Variants in ZNF91 observed in about 807,000 individuals in gnomAD.
ZNF91 encodes zinc finger protein 91, also known as zinc finger protein 91 (HPF7, HTF10).
A neutral mutation model predicts 12.6 loss-of-function variants in ZNF91; 7 were observed. The ratio of observed to expected loss-of-function variants is 0.55; its 90% CI spans 0.31 to 1.04. The LOEUF (loss-of-function observed/expected upper bound fraction) is 1.04, where lower values mean the gene tolerates loss of function less well. Ranked by LOEUF, ZNF91 falls within the 50% of genes least tolerant of loss-of-function variation. The pLI, the probability that ZNF91 is intolerant of heterozygous loss-of-function variation, is 0.05. For synonymous variants in ZNF91, 453 were observed against 462.6 expected (o/e 0.98, Z 0.27); for missense variants, 1,217 against 1,385.4 (o/e 0.88, Z 1.93).
At chr19:23,338,692 A>AATT (rs1217760563), downstream of ZNF91, 1 of 152,222 alleles carries the variant, frequency 6.6e-6, no homozygotes, top group African/African-American at 2.4e-5. Context: ...AATTAACATT[A>AATT]TGATAGTAAC....
downstream of ZNF91, among the ~76,000 whole-genome samples, chr19:23,353,345 G>A (rs1446402480): frequency 6.6e-6 from 1 of 152,130 alleles, no homozygotes; most frequent in Non-Finnish European, 1.5e-5. Flanking sequence ...TAAATAATCT[G>A]CTCCTGAATG....
intron 3 of ZNF91, among the ~76,000 whole-genome samples, chr19:23,363,889 A>T (rs575525227): frequency 1.2e-4 from 19 of 152,324 alleles, no homozygotes; most frequent in African/African-American, 4.6e-4. Context: ...CCTAAAAGTA[A>T]GAAAAAATGA....
rs1220178167 is a variant in ZNF91, at chr19:23,360,894, A to G, written c.2085T>C (p.Phe695=). Residue 695 remains phenylalanine (F), a synonymous_variant, in exon 4 of 4, where the codon TTT becomes TTC. Coordinates refer to ENST00000300619, the MANE Select transcript of ZNF91 (RefSeq NM_003430.4). ...PYKCKECDKT[F]KRLSTLTKHK... The stretch of plus-strand genomic sequence containing the variant: ...GTTTAGTAAGGGTTGAGAGTCGCTT[A>G]AAAGTTTTGTCACATTCTTTACATT... The G allele has an allele frequency of 6.2e-7, 1 of 1,613,632 alleles. No individual in the cohort carries two copies.
chr19:23,320,368 G>T (rs1967662807), intron 1 of ZNF91, among the ~76,000 whole-genome samples: 1 of 152,142 alleles, frequency 6.6e-6, no homozygotes, highest in Non-Finnish European at 1.5e-5. Context: ...TATTGTATTA[G>T]TTCATTTTCA....
intron 3 of ZNF91, among the ~76,000 whole-genome samples, chr19:23,367,579 C>G (rs149113584): frequency 4.7e-4 from 72 of 152,014 alleles, no homozygotes; most frequent in Admixed American, 1.2e-3. Flanking sequence ...AATTTTGTTA[C>G]GAACTATAGC....
At chr19:23,323,521 C>T (rs1430659010) in intron 1 of ZNF91, among the ~76,000 whole-genome samples, 2 of 127,112 alleles carry the variant, frequency 1.6e-5, no homozygotes, top group Non-Finnish European at 3.2e-5. Context: ...TTCTCCTCTA[C>T]TCTTCTCCTC....
chr19:23,390,983 T>G (rs920565828), intron 1 of ZNF91, among the ~76,000 whole-genome samples: 10 of 152,362 alleles, frequency 6.6e-5, no homozygotes, highest in Admixed American at 6.5e-4. Context: ...TGCATGTGTC[T>G]TTATGAGAGA....
At chr19:23,369,155 CA>C (rs1441502375) in intron 3 of ZNF91, among the ~76,000 whole-genome samples, 2 of 152,090 alleles carry the variant, frequency 1.3e-5, no homozygotes, top group East Asian at 3.9e-4. Flanking sequence ...ACTAAAAATA[CA>C]AAAATTACCC....
In ZNF91 at chr19:23,359,195, A is replaced by C; in HGVS notation, c.*208T>G. ...TTAAAAGATTTGCCACATTCTTTATATTTGTAGGGTTTCTCTCTAGTATGA... is the reference window on the plus strand; with the variant it reads ...TTAAAAGATTTGCCACATTCTTTATCTTTGTAGGGTTTCTCTCTAGTATGA... On this transcript the variant is annotated 3_prime_UTR_variant, in exon 4 of 4. Transcript: ENST00000300619. 1 of 488,102 alleles carries C rather than the reference A, an allele frequency of 2.0e-6. No individual in the cohort carries two copies. The highest frequency in any genetic ancestry group is 2.2e-5 in the South Asian group (1 of 46,432). The allele number at this position is 488,102 out of a possible 1,614,324, so 30.2% of individuals were successfully genotyped here.
chr19:23,310,546 A>G (rs1405061056), intron 1 of ZNF91: 1 of 152,166 alleles, frequency 6.6e-6, no homozygotes, highest in South Asian at 2.1e-4. Context: ...TGACTCTCAT[A>G]CCTAGAATTT....
intron 1 of ZNF91, among the ~76,000 whole-genome samples, chr19:23,377,515 A>T (rs762722769): frequency 6.6e-6 from 1 of 152,172 alleles, no homozygotes; most frequent in Non-Finnish European, 1.5e-5. Context: ...AATGGTCCAT[A>T]AATGGGTGTT....
At chr19:23,338,155 A>G (rs1285122999), downstream of ZNF91, 3 of 152,180 alleles carry the variant, frequency 2.0e-5, no homozygotes, top group Non-Finnish European at 2.9e-5. Flanking sequence ...TCAGCAAACA[A>G]AATACAACAA....
Position 23,361,372 on chromosome 19 carries a change from T to A in ZNF91, c.1607A>T (p.His536Leu). 1 of 1,613,656 alleles carries A rather than the reference T, an allele frequency of 6.2e-7. No individual in the cohort carries two copies. The highest frequency in any genetic ancestry group is 1.1e-5 in the South Asian group (1 of 91,050). The change falls in exon 4 of 4, where the codon CAT (histidine) becomes CTT (leucine). Residue 536 changes from histidine (H) to leucine (L), a missense_variant. His to Leu is a moderately conservative substitution (Grantham distance 99). This residue lies in a region of ZNF91 where 726 missense variants were observed against 895.5 expected (regional missense o/e 0.81). Transcript: ENST00000300619. ...TTTCTCTCTACTATGAATTATCTTA[T>A]GTTTATTAAGGGTTAAGGATTGTCT... ...AFRQSLTLNK[H>L]KIIHSREKPY...
At chr19:23,367,997 C>A (rs965303267) in intron 3 of ZNF91, among the ~76,000 whole-genome samples, 32 of 152,006 alleles carry the variant, frequency 2.1e-4, no homozygotes, top group African/African-American at 7.5e-4. Flanking sequence ...GCAACCTCTG[C>A]CTCCCGGGTT....
intron 1 of ZNF91, among the ~76,000 whole-genome samples, chr19:23,391,795 G>A (rs543004148): frequency 6.6e-6 from 1 of 152,072 alleles, no homozygotes; most frequent in Non-Finnish European, 1.5e-5. Context: ...ATCTGCAGGG[G>A]AGGCTCCCCA....
chr19:23,316,091 C>T (rs1967552180), intron 1 of ZNF91, among the ~76,000 whole-genome samples: 1 of 151,896 alleles, frequency 6.6e-6, no homozygotes, highest in African/African-American at 2.4e-5. Flanking sequence ...GGAGATGTGA[C>T]ACATTTTTGT....
chr19:23,335,772 C>T (rs918785595), downstream of ZNF91, among the ~76,000 whole-genome samples: 6 of 152,292 alleles, frequency 3.9e-5, no homozygotes, highest in Non-Finnish European at 5.9e-5. Flanking sequence ...CTTGCGCTTT[C>T]TGGGTGAGGT....
chr19:23,386,022 C>T, intron 1 of ZNF91, among the ~76,000 whole-genome samples: 1 of 152,030 alleles, frequency 6.6e-6, no homozygotes, highest in Non-Finnish European at 1.5e-5. Context: ...TGTGAATCAA[C>T]AACATCCAAG....
rs1205241836 is a variant in ZNF91, at chr19:23,359,858, T to C, written c.3121A>G (p.Lys1041Glu). The stretch of plus-strand genomic sequence containing the variant: ...GGTTTCTCTCCAGTATGAATTATCT[T>C]ATGTGTAGTAAGCTTTGAGGATCGA... ...FNRSSKLTTH[K>E]IIHTGEKPYK... Residue 1041 changes from lysine to glutamate, a missense_variant, in exon 4 of 4, where the codon AAG becomes GAG. Transcript: ENST00000300619. 5.0e-6 allele frequency: 8 copies of C among 1,589,640 alleles called. No homozygotes were observed. The highest frequency in any genetic ancestry group is 6.9e-6 in the Non-Finnish European group (8 of 1,160,682).
Sources: gnomAD v4.1 joint callset for allele counts (sites outside exome capture counted in the v4.1 genomes callset) on GRCh38, gnomAD v4.1.1 for gene constraint, gnomAD v4.1.1 regional missense constraint, MANE v1.5 for transcripts, NCBI Gene and HGNC (gene_info 2026-07-23, HGNC 2026-07-21) for gene names.